The following THSD4 variants were observed in gnomAD, a reference collection of about 807,000 sequenced individuals.
The protein encoded by THSD4 is thrombospondin type-1 domain-containing protein 4.
THSD4 carries 69 observed loss-of-function variants against 119.0 expected under a neutral mutation model. The ratio of observed to expected loss-of-function variants is 0.58; its 90% CI spans 0.48 to 0.71. The LOEUF is 0.71. Among genes scored for constraint, THSD4 ranks in the 30% least tolerant of loss-of-function variants. THSD4 has a pLI of 0.00. For synonymous variants in THSD4, 524 were observed against 540.4 expected, an observed-to-expected ratio of 0.97 and a Z score of 0.42; for missense variants, 1,393 against 1,391.1, an observed-to-expected ratio of 1.00 and a Z score of -0.02.
At chr15:71,534,232 G>C (rs193102196) in intron 7 of THSD4, among the ~76,000 whole-genome samples, 14 of 152,342 alleles carry the variant, frequency 9.2e-5, no homozygotes, top group Admixed American at 4.6e-4. Flanking sequence ...TTATAGGCAT[G>C]AGCCACAGTG....
At chr15:71,672,683 A>T (rs185758605) in intron 8 of THSD4, among the ~76,000 whole-genome samples, 1 of 152,098 alleles carries the variant, frequency 6.6e-6, no homozygotes, top group African/African-American at 2.4e-5. Flanking sequence ...GTTTATTGAG[A>T]GTTTTTAGCA....
At chr15:71,746,750 T>G (rs912739160) in intron 12 of THSD4, 88 bp from the exon 13 acceptor site, 138 of 1,371,668 alleles carry the variant, frequency 1.0e-4, no homozygotes, top group Non-Finnish European at 1.3e-4. Context: ...GTGATTCTGA[T>G]GATTCTGTGT....
At chr15:71,327,985 C>T (rs2045369221) in intron 6 of THSD4, among the ~76,000 whole-genome samples, 2 of 152,168 alleles carry the variant, frequency 1.3e-5, no homozygotes, top group South Asian at 4.1e-4. Context: ...TTCCCACAAA[C>T]TTACTAAGGT....
In THSD4 at chr15:71,316,317, A is replaced by G. The variant is rs139389086; in HGVS notation, c.1015+59602A>G. Among the ~76,000 whole-genome samples, 3 of 152,278 alleles carry G rather than the reference A, an allele frequency of 2.0e-5. No individual in the cohort carries two copies. In the East Asian group the frequency reaches 5.8e-4, roughly 29 times the overall value. ...TCTAAACCTAAACCCATCTTTTCAA[A>G]ACAGGTAGACATTGACAAACCTTAA... On this transcript the variant is annotated intron_variant, in intron 6 of 17. Coordinates refer to ENST00000261862, the MANE Select transcript of THSD4 (RefSeq NM_024817.3).
chr15:71,135,991 GTTTTTT>G (rs10540241), intron 1 of THSD4, among the ~76,000 whole-genome samples: 8 of 69,102 alleles, frequency 1.2e-4, no homozygotes, highest in South Asian at 8.3e-4. Context: ...GTTTAGTTTA[GTTTTTT>G]TTTTTTTTTT....
intron 6 of THSD4, among the ~76,000 whole-genome samples, chr15:71,326,128 A>G (rs1276311343): frequency 2.0e-5 from 3 of 152,222 alleles, no homozygotes; most frequent in African/African-American, 7.2e-5. Flanking sequence ...TGAGAGAAAG[A>G]AAGAAATGGT....
At chr15:71,663,508 A>T (rs2051354298) in intron 8 of THSD4, among the ~76,000 whole-genome samples, 1 of 152,208 alleles carries the variant, frequency 6.6e-6, no homozygotes, top group Admixed American at 6.5e-5. Flanking sequence ...TTCTCTTTTT[A>T]AAAAATTGAT....
chr15:71,644,859 C>G (rs1169198771), intron 7 of THSD4, among the ~76,000 whole-genome samples: 1 of 152,098 alleles, frequency 6.6e-6, no homozygotes, highest in African/African-American at 2.4e-5. Context: ...TCCATTTCAC[C>G]CCTCAGCTCA....
chr15:71,134,533 G>A (rs1442894187), intron 1 of THSD4, among the ~76,000 whole-genome samples: 2 of 152,348 alleles, frequency 1.3e-5, no homozygotes, highest in African/African-American at 2.4e-5. Flanking sequence ...TAAGAAACTC[G>A]TGCCGTTCAT....
In THSD4 at chr15:71,132,797, TATGTGTGTGTATGTGTGTAC is replaced by T. The variant is rs2040515614; in HGVS notation, c.-79-8651_-79-8632del. ...TTACACCTTCCTTCCCCAACACACG[TATGTGTGTGTATGTGTGTAC>T]GCTCATGCACAGATGTACACACGTG... On this transcript the variant is annotated intron_variant, in intron 1 of 17. Coordinates refer to ENST00000261862, the MANE Select transcript of THSD4 (RefSeq NM_024817.3). 8.5e-5 allele frequency among the ~76,000 whole-genome samples: 13 copies of T among 152,336 alleles called. No individual in the cohort carries two copies. The South Asian group carries it at 2.5e-3, about 29-fold the overall frequency.
chr15:71,277,375 C>T (rs1207775492), intron 6 of THSD4, among the ~76,000 whole-genome samples: 1 of 152,132 alleles, frequency 6.6e-6, no homozygotes, highest in Admixed American at 6.5e-5. Context: ...GTCTGCTCAC[C>T]TTGGCCTCCC....
chr15:71,653,734 A>G (rs2051136982), intron 7 of THSD4, among the ~76,000 whole-genome samples: 1 of 152,190 alleles, frequency 6.6e-6, no homozygotes, highest in South Asian at 2.1e-4. Context: ...GGATTTCCAC[A>G]TGAGATTTTA....
rs1484148991 is a variant in THSD4, at chr15:71,473,746, G to A, written c.1152+61923G>A. On this transcript the variant is annotated intron_variant, in intron 7 of 17. Coordinates refer to ENST00000261862, the MANE Select transcript of THSD4 (RefSeq NM_024817.3). ...GAAAAAAGGGACATTGAAGCTTGGA[G>A]TAGTTTGAATGGAGCTAGCAAAGTC... Among the ~76,000 whole-genome samples the A allele has an allele frequency of 2.0e-5, 3 of 152,310 alleles. No individual in the cohort carries two copies. The East Asian group carries it at 5.8e-4, about 29-fold the overall frequency.
At chr15:71,605,448 G>A (rs1245365827) in intron 7 of THSD4, among the ~76,000 whole-genome samples, 1 of 152,234 alleles carries the variant, frequency 6.6e-6, no homozygotes, top group Non-Finnish European at 1.5e-5. Flanking sequence ...TGACTGCCGT[G>A]TGGGGAACAG....
chr15:71,596,327 T>A (rs2049906626), intron 7 of THSD4, among the ~76,000 whole-genome samples: 1 of 152,194 alleles, frequency 6.6e-6, no homozygotes. Context: ...CTCTTTCTTC[T>A]TCTTCTCCAA....
chr15:71,259,547 A>G (rs1224771977), intron 6 of THSD4, among the ~76,000 whole-genome samples: 9 of 152,186 alleles, frequency 5.9e-5, no homozygotes, highest in Non-Finnish European at 1.3e-4. Context: ...AAAGTGAGCA[A>G]CTGCCTCAAC....
chr15:71,416,856 T>C (rs1480530681), intron 7 of THSD4, among the ~76,000 whole-genome samples: 1 of 106,402 alleles, frequency 9.4e-6, no homozygotes, highest in African/African-American at 3.2e-5. Context: ...CCTCCTGGGT[T>C]CACACCATTC....
At chr15:71,772,709 C>A (rs187632234) in intron 17 of THSD4, among the ~76,000 whole-genome samples, 33 of 152,056 alleles carry the variant, frequency 2.2e-4, no homozygotes, top group Admixed American at 1.8e-3. Context: ...ATACCATATA[C>A]CAACGTTATA....
At chr15:71,610,640 A>G (rs900872332) in intron 7 of THSD4, among the ~76,000 whole-genome samples, 29 of 152,204 alleles carry the variant, frequency 1.9e-4, no homozygotes, top group African/African-American at 3.9e-4. Flanking sequence ...ATGTGTAAAC[A>G]TGGGTGACTT....
Sources: allele counts gnomAD v4.1 joint callset (sites outside exome capture counted in the v4.1 genomes callset), GRCh38; gene constraint gnomAD v4.1.1; transcripts MANE v1.5; gene names NCBI Gene and HGNC (gene_info 2026-07-23, HGNC 2026-07-21).